The following MYH14 variants were observed in gnomAD, a reference collection of about 807,000 sequenced individuals.
MYH14 encodes the protein myosin-14.
A neutral mutation model predicts 255.5 loss-of-function variants in MYH14; 123 were observed. The ratio of observed to expected loss-of-function variants is 0.48; its 90% CI spans 0.42 to 0.56. The LOEUF is 0.56. MYH14 is among the 20% of genes least tolerant of loss of function. The pLI is 0.00. For synonymous variants in MYH14, 1,095 were observed against 1,161.2 expected (o/e 0.94, Z 1.16); for missense variants, 2,423 against 2,802.3 (o/e 0.86, Z 3.06).
intron 42 of MYH14, 28 bp from the exon 43 acceptor site, chr19:50,309,612 T>C (rs758382492): frequency 2.5e-6 from 3 of 1,221,086 alleles, no homozygotes; most frequent in Non-Finnish European, 3.4e-6. Flanking sequence ...TCATTTCATC[T>C]CTGTATCCTG....
intron 15 of MYH14, among the ~76,000 whole-genome samples, chr19:50,251,569 C>CACAT (rs1491546469): frequency 1.7e-5 from 2 of 121,092 alleles, no homozygotes; most frequent in African/African-American, 6.5e-5. Context: ...CACACACACA[C>CACAT]ATATATATAT....
chr19:50,233,214 G>A (rs2033494265), intron 10 of MYH14, among the ~76,000 whole-genome samples: 1 of 151,878 alleles, frequency 6.6e-6, no homozygotes. Context: ...CTGTTACCCA[G>A]GCTGGAATGC....
intron 23 of MYH14, 34 bp from the exon 24 acceptor site, chr19:50,268,127 C>A (rs1248349876): frequency 6.5e-7 from 1 of 1,528,318 alleles, no homozygotes; most frequent in Non-Finnish European, 8.8e-7. Flanking sequence ...GGGAGCACTG[C>A]CTGCTGACCA....
At position 50,230,474 on chromosome 19, in the gene MYH14, C is replaced by A; in HGVS notation, c.875-51C>A. ...AGGGCAGGCTCCTGTAGTGGCCTGG[C>A]AGCGTCGGGGCCGTCCCTTCCCCTC... is the stretch of plus-strand genomic sequence containing the variant. On this transcript the variant is annotated intron_variant, in intron 8 of 42. Transcript: ENST00000642316. This position sits in a 1 kb window ranked among gnomAD's most constrained non-coding sequence, Gnocchi z 4.7. 1 of 1,496,260 alleles carries A rather than the reference C, an allele frequency of 6.7e-7. No homozygotes were observed. The highest frequency in any genetic ancestry group is 1.4e-5 in the African/African-American group (1 of 72,072). 92.7% of individuals were successfully genotyped at this position (1,496,260 alleles called of 1,614,324 possible).
intron 34 of MYH14, among the ~76,000 whole-genome samples, chr19:50,287,145 T>G (rs749212670): frequency 2.0e-5 from 3 of 151,520 alleles, no homozygotes; most frequent in Non-Finnish European, 4.4e-5. Flanking sequence ...AGGGGGACTG[T>G]TCAGCAAACA....
intron 20 of MYH14, 51 bp downstream of exon 20, chr19:50,260,766 C>A: frequency 8.0e-7 from 1 of 1,247,856 alleles, no homozygotes; most frequent in Non-Finnish European, 1.1e-6. Context: ...TGTGTGCGTG[C>A]ATGAGTGTGC....
intron 30 of MYH14, among the ~76,000 whole-genome samples, 167 bp downstream of exon 30, chr19:50,278,456 C>T (rs2035591640): frequency 6.6e-6 from 1 of 152,044 alleles, no homozygotes; most frequent in South Asian, 2.1e-4. Flanking sequence ...AATTCTAGCA[C>T]TTGGGAGGCC....
rs1040496443 is a variant in MYH14 at position 50,287,353 on chromosome 19, C to T, written c.4752+659C>T. Reference sequence around the variant, plus strand: ...AAGAGCTGCTCACAAAGCACACATGCTCACATTTGTGTACACGGGATGTAA... The same window carrying T: ...AAGAGCTGCTCACAAAGCACACATGTTCACATTTGTGTACACGGGATGTAA... On this transcript the variant is annotated intron_variant, in intron 34 of 42. Coordinates refer to ENST00000642316, the MANE Select transcript of MYH14 (RefSeq NM_001145809.2). 3.9e-5 allele frequency among the ~76,000 whole-genome samples: 6 copies of T among 152,342 alleles called. No individual in the cohort carries two copies. The South Asian group carries it at 1.2e-3, about 32-fold the overall frequency.
At chr19:50,235,918 T>C (rs1490194487) in intron 10 of MYH14, among the ~76,000 whole-genome samples, 1 of 152,160 alleles carries the variant, frequency 6.6e-6, no homozygotes, top group East Asian at 1.9e-4. Flanking sequence ...TAGATGGACC[T>C]CATTCCTTTT....
chr19:50,268,272 C>T lies in MYH14; in HGVS notation c.2938C>T (p.Leu980=). 1 of 1,580,384 alleles carries T rather than the reference C, an allele frequency of 6.3e-7. No individual in the cohort carries two copies. Among genetic ancestry groups the T allele is most frequent in the Non-Finnish European group, 8.6e-7 (1 of 1,163,798 alleles). The part of the protein sequence containing the change: ...RLAARKQELE[L]VVSELEARVG... ...GGCAGCCCGCAAGCAGGAGCTGGAGCTGGTGGTGTCAGAGCTGGAGGCTCG... is the reference window on the plus strand; with the variant it reads ...GGCAGCCCGCAAGCAGGAGCTGGAGTTGGTGGTGTCAGAGCTGGAGGCTCG... The change falls in exon 24 of 43, where the codon CTG becomes TTG. Residue 980 remains leucine, a synonymous_variant. Coordinates refer to ENST00000642316, the MANE Select transcript of MYH14 (RefSeq NM_001145809.2).
chr19:50,243,202 G>A (rs564407956), intron 10 of MYH14, among the ~76,000 whole-genome samples: 2 of 152,276 alleles, frequency 1.3e-5, no homozygotes, highest in East Asian at 1.9e-4. Context: ...TTGGGAGGCC[G>A]AGGCGGGTGG....
chr19:50,249,511 C>CGA, intron 13 of MYH14, 139 bp from the exon 14 acceptor site: 1 of 908,564 alleles, frequency 1.1e-6, no homozygotes, highest in Non-Finnish European at 1.7e-6. Context: ...CCCCCTCTCT[C>CGA]TGGGTCTCTG....
At chr19:50,278,599 G>A (rs991501927) in intron 30 of MYH14, among the ~76,000 whole-genome samples, 6 of 151,976 alleles carry the variant, frequency 3.9e-5, no homozygotes, top group Non-Finnish European at 7.4e-5. Flanking sequence ...AGCTACTCAG[G>A]GGACTGAGGA....
Position 50,257,444 on chromosome 19 carries a change from C to T in MYH14, c.2190C>T (p.Asn730=). ...TCATGGCCACACTCAGCAACACCAA[C>T]CCCAGTTTTGTCCGCTGCATTGTCC... The part of the protein sequence containing the change: ...SRLMATLSNT[N]PSFVRCIVPN... The change falls in exon 18 of 43, where the codon AAC becomes AAT. Residue 730 remains asparagine, a synonymous_variant. Transcript: ENST00000642316. The T allele has an allele frequency of 6.2e-7, 1 of 1,608,000 alleles. No individual in the cohort carries two copies. The highest frequency in any genetic ancestry group is 2.2e-5 in the East Asian group (1 of 44,708).
rs773625851 is a variant in MYH14 at position 50,293,357 on chromosome 19, C to T, written c.5345+36C>T. On this transcript the variant is annotated intron_variant, in intron 38 of 42. Transcript: ENST00000642316. The surrounding 1 kb of genome is among the most constrained non-coding windows in gnomAD (Gnocchi z 4.1). ...CAAGGGTCTGAAGGCTGAGGTACTGCGTCTGCAGGAGGTGAAGCTGGGGTA... is the reference window on the plus strand; with the variant it reads ...CAAGGGTCTGAAGGCTGAGGTACTGTGTCTGCAGGAGGTGAAGCTGGGGTA... 13 of 1,553,034 alleles carry T rather than the reference C, an allele frequency of 8.4e-6. No homozygotes were observed. Among genetic ancestry groups the T allele is most frequent in the Middle Eastern group, 3.3e-4 (2 of 5,988 alleles).
rs985759751 is a variant in MYH14 at position 50,230,846 on chromosome 19, C to T, written c.973+223C>T. The T allele has an allele frequency of 2.8e-5, 15 of 528,538 alleles. No homozygotes were observed. Among genetic ancestry groups the T allele is most frequent in the African/African-American group, 2.1e-4 (11 of 52,240 alleles). 32.7% of individuals were successfully genotyped at this position (528,538 alleles called of 1,614,324 possible). A position where few individuals can be genotyped will look rare whatever the true frequency, so the allele number is the denominator to read the frequency against. Reference sequence around the variant, plus strand: ...CCAGCTCTGTCCCGGGTCTGGCTCGCGCCCGCTGTCACGGCCACGCAGCCC... The same window carrying T: ...CCAGCTCTGTCCCGGGTCTGGCTCGTGCCCGCTGTCACGGCCACGCAGCCC... On this transcript the variant is annotated intron_variant, in intron 9 of 42. Transcript: ENST00000642316. This position sits in a 1 kb window ranked among gnomAD's most constrained non-coding sequence, Gnocchi z 4.7.
chr19:50,290,780 G>T, intron 35 of MYH14, 107 bp from the exon 36 acceptor site: 1 of 1,196,848 alleles, frequency 8.4e-7, no homozygotes, highest in South Asian at 1.4e-5. Flanking sequence ...GAGGAGCGGG[G>T]CTTGCAGCCT....
At chr19:50,208,427 C>A (rs80185469) in intron 1 of MYH14, among the ~76,000 whole-genome samples, 2 of 11,338 alleles carry the variant, frequency 1.8e-4, no homozygotes, top group Admixed American at 1.9e-3. Flanking sequence ...AAAACAAAAA[C>A]AAACAAACAA....
At chr19:50,208,004 T>C (rs2031911151) in intron 1 of MYH14, among the ~76,000 whole-genome samples, 1 of 152,222 alleles carries the variant, frequency 6.6e-6, no homozygotes. Context: ...TGGGTCTTCA[T>C]TTAAATGCCA....
Sources: gnomAD v4.1 joint callset for allele counts (sites outside exome capture counted in the v4.1 genomes callset) on GRCh38, gnomAD v4.1.1 for gene constraint, Gnocchi (gnomAD v3.1) non-coding constraint, MANE v1.5 for transcripts, NCBI Gene and HGNC (gene_info 2026-07-23, HGNC 2026-07-21) for gene names.